Variants in HDAC9 observed in about 807,000 individuals in gnomAD.
HDAC9 encodes the protein MEF-2 interacting transcription repressor (MITR) protein.
A neutral mutation model predicts 139.4 loss-of-function variants in HDAC9; 41 were observed. That is an observed-to-expected ratio of 0.29 (90% CI 0.23 to 0.38). The LOEUF is 0.38. Among genes scored for constraint, HDAC9 ranks in the 10% least tolerant of loss-of-function variants. The pLI is 1.00. For synonymous variants in HDAC9, 517 were observed against 476.2 expected, an observed-to-expected ratio of 1.09 and a Z score of -1.12; for missense variants, 1,147 against 1,297.0, an observed-to-expected ratio of 0.88 and a Z score of 1.78.
chr7:18,423,578 G>T (rs1789841511), intron 1 of HDAC9, among the ~76,000 whole-genome samples: 1 of 152,178 alleles, frequency 6.6e-6, no homozygotes, highest in South Asian at 2.1e-4. Flanking sequence ...CTGCATTTTG[G>T]ACAGTATTTA....
chr7:18,447,126 C>T (rs962347565), intron 1 of HDAC9, among the ~76,000 whole-genome samples: 2 of 151,946 alleles, frequency 1.3e-5, no homozygotes, highest in Admixed American at 1.3e-4. Flanking sequence ...TTTATTGGCC[C>T]TAGTGTATCT....
chr7:18,984,584 G>A (rs1201446019), intron 25 of HDAC9, among the ~76,000 whole-genome samples: 2 of 152,062 alleles, frequency 1.3e-5, no homozygotes, highest in Non-Finnish European at 2.9e-5. Flanking sequence ...AATTAATCAT[G>A]GTAGAGGAAA....
chr7:18,211,841 A>C (rs1250009671), intron 2 of HDAC9, among the ~76,000 whole-genome samples: 1 of 152,092 alleles, frequency 6.6e-6, no homozygotes, highest in East Asian at 1.9e-4. Flanking sequence ...TTTAGCTGAG[A>C]AGGAAGGGTA....
At chr7:18,695,399 A>T (rs2129100422) in intron 12 of HDAC9, among the ~76,000 whole-genome samples, 1 of 152,310 alleles carries the variant, frequency 6.6e-6, no homozygotes, top group African/African-American at 2.4e-5. Flanking sequence ...ATCAACATAA[A>T]TGTGACAATA....
chr7:18,684,122 A>G (rs1782085764), intron 12 of HDAC9, among the ~76,000 whole-genome samples: 1 of 151,324 alleles, frequency 6.6e-6, no homozygotes, highest in African/African-American at 2.4e-5. Flanking sequence ...GCCATGTGTG[A>G]TGGTGCATGC....
chr7:18,604,969 G>C (rs1278038854), intron 6 of HDAC9, among the ~76,000 whole-genome samples: 9 of 151,920 alleles, frequency 5.9e-5, no homozygotes, highest in Admixed American at 5.9e-4. Context: ...ATAATTTTTT[G>C]TTAAAAGCTT....
rs1236457538 is a variant in HDAC9, at chr7:19,000,319, A to T, written c.*4257A>T. 1 of 152,174 alleles carries T rather than the reference A, an allele frequency of 6.6e-6. No homozygotes were observed. Among genetic ancestry groups the T allele is most frequent in the Non-Finnish European group, 1.5e-5 (1 of 68,026 alleles). 9.4% of individuals were successfully genotyped at this position (152,174 alleles called of 1,614,324 possible). On this transcript the variant is annotated 3_prime_UTR_variant, in exon 26 of 26. Coordinates refer to ENST00000686413, the MANE Select transcript of HDAC9 (RefSeq NM_178425.4). ...ACCACCATTAAATATGTAAGTTCCT[A>T]TATGTGACTTTTTCTGGGCATATTT...
At chr7:18,166,925 C>T (rs780840808) in intron 2 of HDAC9, among the ~76,000 whole-genome samples, 3 of 152,100 alleles carry the variant, frequency 2.0e-5, no homozygotes, top group African/African-American at 7.2e-5. Context: ...AGTCTTAGGG[C>T]AAATCAAATA....
chr7:18,365,284 T>G (rs1784093401), intron 1 of HDAC9, among the ~76,000 whole-genome samples: 1 of 152,054 alleles, frequency 6.6e-6, no homozygotes, highest in Non-Finnish European at 1.5e-5. Context: ...TAGTGTGAAC[T>G]CTGATAGGTC....
At chr7:18,745,153 CAAAGAGAGAGAATG>C (rs1787823438) in intron 13 of HDAC9, among the ~76,000 whole-genome samples, 1 of 151,528 alleles carries the variant, frequency 6.6e-6, no homozygotes, top group African/African-American at 2.4e-5. Flanking sequence ...TCTGAGAAGC[CAAAGAGAGAGAATG>C]AAAGAGAGAG....
chr7:18,595,423 A>G (rs555709377), intron 6 of HDAC9, among the ~76,000 whole-genome samples: 33 of 152,206 alleles, frequency 2.2e-4, no homozygotes, highest in African/African-American at 6.7e-4. Context: ...AAACATGAGT[A>G]TAGTTTATGA....
chr7:18,462,120 A>G (rs1446813345), intron 1 of HDAC9, among the ~76,000 whole-genome samples: 1 of 152,164 alleles, frequency 6.6e-6, no homozygotes, highest in African/African-American at 2.4e-5. Context: ...CATTAAAAAA[A>G]AATCATCTGG....
intron 2 of HDAC9, among the ~76,000 whole-genome samples, chr7:18,260,313 T>TTTC (rs1482304188): frequency 1.4e-5 from 2 of 141,862 alleles, no homozygotes; most frequent in African/African-American, 5.0e-5. Flanking sequence ...TTTTTTTTGT[T>TTTC]TTTTTTTTTG....
chr7:18,542,374 A>T (rs1813281728), intron 2 of HDAC9, among the ~76,000 whole-genome samples: 1 of 152,182 alleles, frequency 6.6e-6, no homozygotes, highest in Non-Finnish European at 1.5e-5. Flanking sequence ...AACCTCCTTC[A>T]TATGACTGTT....
chr7:18,215,997 C>G (rs979764206), intron 2 of HDAC9, among the ~76,000 whole-genome samples: 1 of 151,976 alleles, frequency 6.6e-6, no homozygotes, highest in African/African-American at 2.4e-5. Flanking sequence ...TCTCTCGTCT[C>G]GCACCTCTTC....
At chr7:18,293,175 T>C (rs1208983162) in intron 1 of HDAC9, among the ~76,000 whole-genome samples, 1 of 152,104 alleles carries the variant, frequency 6.6e-6, no homozygotes, top group Non-Finnish European at 1.5e-5. Flanking sequence ...AAGCTTTACC[T>C]ATAAAAATAT....
chr7:18,716,156 G>C (rs185226748), intron 12 of HDAC9, among the ~76,000 whole-genome samples: 2 of 152,164 alleles, frequency 1.3e-5, no homozygotes, highest in Non-Finnish European at 1.5e-5. Context: ...CTAGACCAGA[G>C]CTCTATTGTT....
chr7:18,580,237 T>C (rs1271840345), intron 2 of HDAC9, among the ~76,000 whole-genome samples: 1 of 152,220 alleles, frequency 6.6e-6, no homozygotes, highest in Non-Finnish European at 1.5e-5. Context: ...TTTGGTTTTA[T>C]TTTGAAATGA....
chr7:18,494,126 G>T (rs184645947), upstream of HDAC9, among the ~76,000 whole-genome samples: 1 of 152,066 alleles, frequency 6.6e-6, no homozygotes, highest in Admixed American at 6.6e-5. Flanking sequence ...TCCACTGACA[G>T]GAACATAAGA....
Sources: allele counts gnomAD v4.1 joint callset (sites outside exome capture counted in the v4.1 genomes callset), GRCh38; gene constraint gnomAD v4.1.1; transcripts MANE v1.5; gene names NCBI Gene and HGNC (gene_info 2026-07-23, HGNC 2026-07-21).